Variants in GPR158 observed in about 807,000 individuals in gnomAD.
GPR158 encodes metabotropic glycine receptor.
In GPR158, 30 loss-of-function variants were observed where a neutral mutation model predicts 78.2. That is an observed-to-expected ratio of 0.38 (90% CI 0.29 to 0.52). The LOEUF (loss-of-function observed/expected upper bound fraction) is 0.52. Among genes scored for constraint, GPR158 ranks in the 20% least tolerant of loss-of-function variants. The pLI is 0.83. For missense variants in GPR158, 1,463 were observed against 1,523.5 expected (o/e 0.96, Z 0.66); for synonymous variants, 581 against 591.1 (o/e 0.98, Z 0.25).
At chr10:25,266,492 A>G (rs1188626522) in intron 2 of GPR158, among the ~76,000 whole-genome samples, 1 of 152,144 alleles carries the variant, frequency 6.6e-6, no homozygotes, top group Non-Finnish European at 1.5e-5. Flanking sequence ...TTTCTTTCTA[A>G]TGGGATTCGG....
intron 4 of GPR158, among the ~76,000 whole-genome samples, chr10:25,429,553 C>G (rs902251702): frequency 2.0e-5 from 3 of 151,958 alleles, no homozygotes; most frequent in Non-Finnish European, 4.4e-5. Context: ...TCAGGAATGC[C>G]TACGTTCTCT....
chr10:25,495,415 C>T (rs1835867906), intron 5 of GPR158, among the ~76,000 whole-genome samples: 1 of 149,722 alleles, frequency 6.7e-6, no homozygotes, highest in Non-Finnish European at 1.5e-5. Flanking sequence ...GCCTCAGCCT[C>T]CTGAGTAGCT....
chr10:25,500,203 A>C (rs1464839501), intron 5 of GPR158, among the ~76,000 whole-genome samples: 1 of 152,156 alleles, frequency 6.6e-6, no homozygotes. Flanking sequence ...CTATCCTTTA[A>C]CCTGGTAGTA....
chr10:25,351,087 T>C (rs1166073338), intron 2 of GPR158, among the ~76,000 whole-genome samples: 2 of 151,950 alleles, frequency 1.3e-5, no homozygotes, highest in Non-Finnish European at 1.5e-5. Flanking sequence ...CTATACAGCC[T>C]GTGAGCCTGA....
intron 2 of GPR158, among the ~76,000 whole-genome samples, chr10:25,320,294 C>T (rs191970031): frequency 3.3e-5 from 5 of 152,222 alleles, no homozygotes; most frequent in South Asian, 2.1e-4. Flanking sequence ...TATTTATGTT[C>T]GGTGCTTCTT....
intron 2 of GPR158, among the ~76,000 whole-genome samples, chr10:25,237,565 T>C (rs1188756586): frequency 2.0e-5 from 3 of 152,212 alleles, no homozygotes; most frequent in Non-Finnish European, 4.4e-5. Context: ...ATGAATTTTA[T>C]AAAAAGGGTG....
intron 2 of GPR158, among the ~76,000 whole-genome samples, chr10:25,382,820 T>G (rs1365747697): frequency 6.6e-6 from 1 of 151,958 alleles, no homozygotes; most frequent in Admixed American, 6.6e-5. Context: ...ATTTATTTAT[T>G]TTATTTTATT....
chr10:25,392,191 T>C (rs1834308799), intron 2 of GPR158, among the ~76,000 whole-genome samples: 1 of 152,212 alleles, frequency 6.6e-6, no homozygotes, highest in Non-Finnish European at 1.5e-5. Flanking sequence ...CCATCGAAGC[T>C]GCTTATGGTA....
chr10:25,201,986 A>G (rs190613894), intron 1 of GPR158, among the ~76,000 whole-genome samples: 1 of 152,278 alleles, frequency 6.6e-6, no homozygotes, highest in Non-Finnish European at 1.5e-5. Context: ...CTGGCCTTAT[A>G]GAATGACTTA....
intron 2 of GPR158, among the ~76,000 whole-genome samples, chr10:25,243,811 G>A (rs1410806014): frequency 6.6e-6 from 1 of 152,170 alleles, no homozygotes; most frequent in Non-Finnish European, 1.5e-5. Context: ...TTTATTGGAT[G>A]TTTGAAACTG....
intron 2 of GPR158, among the ~76,000 whole-genome samples, chr10:25,329,267 T>C (rs990520453): frequency 6.6e-6 from 1 of 151,740 alleles, no homozygotes; most frequent in Non-Finnish European, 1.5e-5. Context: ...AAACCCTGTC[T>C]CTACTAAAAA....
Position 25,175,368 on chromosome 10 carries a change from T to G in GPR158, c.-53T>G. 2 of 1,159,634 alleles carry G rather than the reference T, an allele frequency of 1.7e-6. No individual in the cohort carries two copies. Among genetic ancestry groups the G allele is most frequent in the Non-Finnish European group, 2.5e-6 (2 of 812,718 alleles). 71.8% of individuals were successfully genotyped at this position (1,159,634 alleles called of 1,614,324 possible). ...CTGTTGAGAAACTGACGATCCAAATTTAAAAAGTGATTCCCCCCCCTCCCG... is the reference window on the plus strand; with the variant it reads ...CTGTTGAGAAACTGACGATCCAAATGTAAAAAGTGATTCCCCCCCCTCCCG... On this transcript the variant is annotated 5_prime_UTR_variant, in exon 1 of 11. It adds an upstream start codon to the 5' untranslated region. Transcript: ENST00000376351. The surrounding 1 kb of genome is among the most constrained non-coding windows in gnomAD (Gnocchi z 6.4).
At chr10:25,547,229 G>A (rs768508480) in intron 5 of GPR158, among the ~76,000 whole-genome samples, 14 of 152,010 alleles carry the variant, frequency 9.2e-5, no homozygotes, top group Admixed American at 2.0e-4. Context: ...ATGCTCTTCC[G>A]TGCTGTAGCC....
intron 3 of GPR158, among the ~76,000 whole-genome samples, chr10:25,411,933 CAAAAAAAAAAAAAA>C (rs1164005677): frequency 4.2e-4 from 20 of 47,484 alleles, no homozygotes; most frequent in East Asian, 3.7e-3. Context: ...GACTCTATCA[CAAAAAAAAAAAAAA>C]AAAAAAAAAA....
At chr10:25,402,305 T>C (rs989289382) in intron 3 of GPR158, among the ~76,000 whole-genome samples, 3 of 152,040 alleles carry the variant, frequency 2.0e-5, no homozygotes, top group African/African-American at 7.2e-5. Flanking sequence ...TGAGAAACTG[T>C]TTCAAATCAG....
chr10:25,481,096 G>C (rs72786268), intron 5 of GPR158, among the ~76,000 whole-genome samples: 10,581 of 152,188 alleles, frequency 0.07, 392 homozygotes, highest in African/African-American at 0.079. Context: ...AGGTTCATGA[G>C]TGATTAGGGG....
At chr10:25,580,786 T>C (rs1389895039) in intron 7 of GPR158, among the ~76,000 whole-genome samples, 1 of 152,186 alleles carries the variant, frequency 6.6e-6, no homozygotes, top group Non-Finnish European at 1.5e-5. Flanking sequence ...AGTGCAGTTG[T>C]GTGACCATAG....
At chr10:25,453,090 T>G (rs145268968) in intron 4 of GPR158, among the ~76,000 whole-genome samples, 23 of 152,338 alleles carry the variant, frequency 1.5e-4, no homozygotes, top group African/African-American at 5.5e-4. Context: ...TATTCCATTG[T>G]GTACATACAC....
intron 2 of GPR158, among the ~76,000 whole-genome samples, chr10:25,365,425 G>C (rs549469016): frequency 2.3e-4 from 35 of 151,694 alleles, no homozygotes; most frequent in Middle Eastern, 3.4e-3. Flanking sequence ...AATTAGTATT[G>C]AAAAACCCTG....
Sources: allele counts gnomAD v4.1 joint callset (sites outside exome capture counted in the v4.1 genomes callset), GRCh38; gene constraint gnomAD v4.1.1; non-coding constraint Gnocchi (gnomAD v3.1); transcripts MANE v1.5; gene names NCBI Gene and HGNC (gene_info 2026-07-23, HGNC 2026-07-21).